The following TULP4 variants were observed in gnomAD, a reference collection of about 807,000 sequenced individuals.
The protein encoded by TULP4 is tubby-related protein 4.
A neutral mutation model predicts 129.0 loss-of-function variants in TULP4; 16 were observed. The ratio of observed to expected loss-of-function variants is 0.12; its 90% CI spans 0.08 to 0.19. The LOEUF is 0.19. TULP4 is among the 10% of genes least tolerant of loss of function. The probability of loss-of-function intolerance (pLI) is 1.00; values close to 1 mark genes in which losing one functional copy is unlikely to be tolerated. For synonymous variants in TULP4, 998 were observed against 854.0 expected (o/e 1.17, Z -2.94); for missense variants, 1,842 against 2,059.1 (o/e 0.89, Z 2.04).
At chr6:158,249,358 T>TTTTTTTTTTTTTTTTTTTTTTTTTTGAG (rs1554273920) in intron 1 of TULP4, among the ~76,000 whole-genome samples, 1 of 152,150 alleles carries the variant, frequency 6.6e-6, no homozygotes, top group Non-Finnish European at 1.5e-5. Context: ...CAATAACTCT[T>TTTTTTTTTTTTTTTTTTTTTTTTTTGAG]AATAAAAGAC....
intron 8 of TULP4, among the ~76,000 whole-genome samples, chr6:158,487,107 G>T (rs544938534): frequency 5.3e-4 from 80 of 152,126 alleles, no homozygotes; most frequent in African/African-American, 1.8e-3. Flanking sequence ...AATTAGCTGG[G>T]TGTGGTGGCA....
intron 6 of TULP4, among the ~76,000 whole-genome samples, chr6:158,467,282 T>C (rs1449328968): frequency 5.6e-5 from 3 of 53,432 alleles, no homozygotes; most frequent in Admixed American, 3.3e-4. Context: ...CCTTTCTTTT[T>C]TTTTTTTTTT....
At chr6:158,373,035 A>G (rs1287923491) in intron 1 of TULP4, among the ~76,000 whole-genome samples, 1 of 152,242 alleles carries the variant, frequency 6.6e-6, no homozygotes, top group Non-Finnish European at 1.5e-5. Flanking sequence ...AACACTGCTC[A>G]GACAGAAAAC....
chr6:158,292,366 G>C (rs1778958125), intron 1 of TULP4, among the ~76,000 whole-genome samples: 1 of 152,158 alleles, frequency 6.6e-6, no homozygotes. Flanking sequence ...CGATTCCAGT[G>C]CTTGTTTTGT....
intron 1 of TULP4, among the ~76,000 whole-genome samples, chr6:158,373,581 T>G (rs1350692402): frequency 6.6e-6 from 1 of 152,198 alleles, no homozygotes; most frequent in East Asian, 1.9e-4. Flanking sequence ...GTGGTAATAC[T>G]GTCTTAATGA....
chr6:158,249,128 G>T (rs1778090019), intron 1 of TULP4, among the ~76,000 whole-genome samples: 1 of 151,630 alleles, frequency 6.6e-6, no homozygotes, highest in East Asian at 1.9e-4. Context: ...TGGGTCATAG[G>T]AGAAGCCCAT....
In TULP4 at chr6:158,461,423, AAAAG is replaced by A. The variant is rs906591102; in HGVS notation, c.860-139_860-136del. The A allele has an allele frequency of 1.2e-4, 94 of 801,222 alleles. 1 individual carries two copies. Among genetic ancestry groups the A allele is most frequent in the South Asian group, 1.6e-4 (7 of 42,834 alleles). The allele number at this position is 801,222 out of a possible 1,614,324, so 49.6% of individuals were successfully genotyped here. On this transcript the variant is annotated intron_variant, in intron 5 of 13. Coordinates refer to ENST00000367097, the MANE Select transcript of TULP4 (RefSeq NM_020245.5). ...TGAAACTCCGTCTCAAAAAAAAAAA[AAAAG>A]GAAAAAACCATGAATATATTTTTGT...
chr6:158,421,997 T>A (rs532314662), intron 2 of TULP4, among the ~76,000 whole-genome samples: 1 of 151,756 alleles, frequency 6.6e-6, no homozygotes, highest in Non-Finnish European at 1.5e-5. Flanking sequence ...GTGAGAGAAA[T>A]GTATATCCTT....
At chr6:158,285,689 C>T (rs1045369826) in intron 1 of TULP4, among the ~76,000 whole-genome samples, 19 of 152,200 alleles carry the variant, frequency 1.2e-4, no homozygotes, top group East Asian at 5.8e-4. Flanking sequence ...TGTATGGGCA[C>T]GGGTCCATTG....
intron 6 of TULP4, among the ~76,000 whole-genome samples, chr6:158,476,745 A>G (rs143339506): frequency 1.3e-3 from 199 of 152,336 alleles, no homozygotes; most frequent in African/African-American, 4.6e-3. Context: ...CTTTGACCAA[A>G]TGGACTAAGG....
chr6:158,343,302 C>T (rs1338368156), intron 1 of TULP4, among the ~76,000 whole-genome samples: 1 of 152,196 alleles, frequency 6.6e-6, no homozygotes, highest in Non-Finnish European at 1.5e-5. Context: ...ATTCTTCAAA[C>T]TTGGTTAGTT....
chr6:158,290,523 A>G (rs1295396715), intron 1 of TULP4, among the ~76,000 whole-genome samples: 3 of 150,890 alleles, frequency 2.0e-5, no homozygotes, highest in Non-Finnish European at 4.4e-5. Context: ...ATTTTCATTT[A>G]TTTTTCCTTT....
intron 1 of TULP4, among the ~76,000 whole-genome samples, chr6:158,286,520 C>T (rs572814913): frequency 1.9e-4 from 29 of 152,224 alleles, no homozygotes; most frequent in East Asian, 1.5e-3. Context: ...AGATCATAGA[C>T]TAGTTGAAAT....
At chr6:158,331,612 G>A (rs1779880689) in intron 1 of TULP4, among the ~76,000 whole-genome samples, 1 of 149,480 alleles carries the variant, frequency 6.7e-6, no homozygotes, top group African/African-American at 2.5e-5. Context: ...ATGGGGAATG[G>A]TATTAGAAAC....
intron 1 of TULP4, among the ~76,000 whole-genome samples, chr6:158,244,455 T>C (rs1327913683): frequency 6.6e-6 from 1 of 152,110 alleles, no homozygotes; most frequent in Non-Finnish European, 1.5e-5. Flanking sequence ...CCCAATGTGA[T>C]AGTATTTGGA....
At chr6:158,336,671 G>T (rs1458855693) in intron 1 of TULP4, among the ~76,000 whole-genome samples, 1 of 152,162 alleles carries the variant, frequency 6.6e-6, no homozygotes, top group African/African-American at 2.4e-5. Flanking sequence ...TTTGAGACCT[G>T]CCAGGCAATT....
At chr6:158,408,192 C>T (rs1415870032) in intron 1 of TULP4, among the ~76,000 whole-genome samples, 1 of 152,148 alleles carries the variant, frequency 6.6e-6, no homozygotes, top group Non-Finnish European at 1.5e-5. Flanking sequence ...GAAGGTGCTG[C>T]ACGCAGAGCA....
At chr6:158,485,197 T>C (rs536608198) in intron 8 of TULP4, among the ~76,000 whole-genome samples, 1 of 152,298 alleles carries the variant, frequency 6.6e-6, no homozygotes. Context: ...TGAAGAGATT[T>C]GTAAGCAAAG....
Position 158,314,199 on chromosome 6 carries a change from T to C in TULP4, c.183T>C (p.Ser61=). 6.2e-7 allele frequency: 1 copy of C among 1,614,162 alleles called. No homozygotes were observed. Among genetic ancestry groups the C allele is most frequent in the Non-Finnish European group, 8.5e-7 (1 of 1,180,028 alleles). The change falls in exon 1 of 14, where the codon TCT becomes TCC. Residue 61 remains serine, a synonymous_variant. Transcript: ENST00000367097. ...GRGVVGVTFT[S]SHCRRDRSTP... is the part of the protein sequence containing the mutation. The stretch of plus-strand genomic sequence containing the variant: ...GAGTGGTTGGGGTGACTTTCACCTC[T>C]AGTCACTGTCGCAGGGACAGGAGTA...
Sources: gnomAD v4.1 joint callset for allele counts (sites outside exome capture counted in the v4.1 genomes callset) on GRCh38, gnomAD v4.1.1 for gene constraint, MANE v1.5 for transcripts, NCBI Gene and HGNC (gene_info 2026-07-23, HGNC 2026-07-21) for gene names.